APBB1IP: variants seen among roughly 807,000 people sequenced by gnomAD.
APBB1IP encodes the protein amyloid beta A4 precursor protein-binding family B member 1-interacting protein.
A neutral mutation model predicts 64.9 loss-of-function variants in APBB1IP; 27 were observed. The observed-to-expected ratio is 0.42, with a 90% CI of 0.31 to 0.57. APBB1IP has a LOEUF of 0.57. Among genes scored for constraint, APBB1IP ranks in the 20% least tolerant of loss-of-function variants. APBB1IP has a pLI of 0.20. For synonymous variants in APBB1IP, 392 were observed against 331.0 expected, an observed-to-expected ratio of 1.18 and a Z score of -2.00; for missense variants, 812 against 845.5, an observed-to-expected ratio of 0.96 and a Z score of 0.49.
At chr10:26,452,382 C>T (rs2132399486) in intron 2 of APBB1IP, among the ~76,000 whole-genome samples, 1 of 152,300 alleles carries the variant, frequency 6.6e-6, no homozygotes, top group East Asian at 1.9e-4. Context: ...TGCCTGAACT[C>T]ACTGTGTGAT....
chr10:26,493,743 C>T (rs1278336658), intron 3 of APBB1IP, among the ~76,000 whole-genome samples: 2 of 152,136 alleles, frequency 1.3e-5, no homozygotes, highest in Admixed American at 6.5e-5. Context: ...GAGAAATTTA[C>T]CCCCAAGTTT....
At chr10:26,492,271 A>G (rs375673310) in intron 2 of APBB1IP, 56 bp from the exon 3 acceptor site, 1 of 1,472,204 alleles carries the variant, frequency 6.8e-7, no homozygotes, top group African/African-American at 1.4e-5. Flanking sequence ...TGCAAAGAGT[A>G]TCCTAGGATC....
chr10:26,469,858 A>G (rs761358117), intron 2 of APBB1IP, among the ~76,000 whole-genome samples: 1 of 152,228 alleles, frequency 6.6e-6, no homozygotes, highest in Non-Finnish European at 1.5e-5. Context: ...AAGTGAGAAC[A>G]TGCAGTATTT....
chr10:26,566,169 A>T (rs918735542), intron 14 of APBB1IP, among the ~76,000 whole-genome samples: 1 of 152,196 alleles, frequency 6.6e-6, no homozygotes, highest in Non-Finnish European at 1.5e-5. Flanking sequence ...CCGTAATTCC[A>T]GCTACTCAGG....
At chr10:26,455,588 C>T (rs1162126790) in intron 2 of APBB1IP, among the ~76,000 whole-genome samples, 4 of 151,784 alleles carry the variant, frequency 2.6e-5, no homozygotes, top group Non-Finnish European at 2.9e-5. Context: ...AGTAAAGTTA[C>T]GTGGTTACTG....
intron 2 of APBB1IP, among the ~76,000 whole-genome samples, chr10:26,448,011 T>G (rs148697875): frequency 6.6e-6 from 1 of 152,190 alleles, no homozygotes; most frequent in Non-Finnish European, 1.5e-5. Context: ...ATCAAATGAT[T>G]ATTTTTGGAT....
intron 2 of APBB1IP, among the ~76,000 whole-genome samples, chr10:26,453,342 A>C (rs1266054342): frequency 6.6e-6 from 1 of 152,092 alleles, no homozygotes; most frequent in African/African-American, 2.4e-5. Context: ...TGGAGATGAA[A>C]TTGGAGTGGT....
chr10:26,529,655 T>C (rs1836523424), intron 8 of APBB1IP, among the ~76,000 whole-genome samples: 1 of 152,092 alleles, frequency 6.6e-6, no homozygotes, highest in Admixed American at 6.6e-5. Flanking sequence ...TTTTCCTTTT[T>C]CCTGAGATGG....
chr10:26,503,182 C>G lies in APBB1IP; in HGVS notation c.454-15C>G. On this transcript the variant is annotated splice_polypyrimidine_tract_variant and intron_variant, in intron 5 of 14. Transcript: ENST00000376236. ...CTTAATGGACTGTATTGAAGAATAT[C>G]TTGCCCTTTTCCAGGAAGAGGAAGA... 2 of 1,613,664 alleles carry G rather than the reference C, an allele frequency of 1.2e-6. No individual in the cohort carries two copies. The highest frequency in any genetic ancestry group is 1.7e-6 in the Non-Finnish European group (2 of 1,179,688).
intron 11 of APBB1IP, 147 bp downstream of exon 11, chr10:26,541,839 C>A (rs2132469605): frequency 3.6e-6 from 2 of 548,416 alleles, no homozygotes; most frequent in East Asian, 3.4e-5. Context: ...ACATTTCTAT[C>A]AATTTGGGAC....
intron 11 of APBB1IP, among the ~76,000 whole-genome samples, chr10:26,545,253 A>G (rs1333014974): frequency 6.6e-6 from 1 of 152,226 alleles, no homozygotes; most frequent in African/African-American, 2.4e-5. Context: ...GCTATTCTTT[A>G]TTAGGGTGAG....
chr10:26,441,828 C>T (rs931615156), intron 2 of APBB1IP, among the ~76,000 whole-genome samples: 1 of 152,186 alleles, frequency 6.6e-6, no homozygotes, highest in Admixed American at 6.5e-5. Flanking sequence ...TCTCTGTCAA[C>T]TCAGTTTTCT....
chr10:26,567,438 A>C lies in APBB1IP; in HGVS notation c.1951A>C (p.Met651Leu). 1 of 1,607,014 alleles carries C rather than the reference A, an allele frequency of 6.2e-7. No individual in the cohort carries two copies. Among genetic ancestry groups the C allele is most frequent in the Non-Finnish European group, 8.5e-7 (1 of 1,175,288 alleles). Residue 651 changes from methionine (M) to leucine (L), a missense_variant, in exon 15 of 15, where the codon ATG becomes CTG. Met to Leu is a conservative substitution (Grantham distance 15). Around this residue, in one of 3 missense-constraint regions of APBB1IP, gnomAD observed 381 missense variants for 352.1 expected, o/e 1.08. Transcript: ENST00000376236. Reference protein sequence around the residue: ...GGAGGGEQDFMSDLMKALQKK... With the variant: ...GGAGGGEQDFLSDLMKALQKK... ...AGCAGGAGGCGGGGAGCAAGATTTC[A>C]TGTCAGACCTCATGAAAGCTTTGCA...
At chr10:26,546,359 T>A (rs891333651) in intron 11 of APBB1IP, among the ~76,000 whole-genome samples, 2 of 152,048 alleles carry the variant, frequency 1.3e-5, no homozygotes, top group African/African-American at 4.8e-5. Context: ...GCCCCCAGGG[T>A]TTTTGATTTA....
At chr10:26,506,716 C>A (rs975647526) in intron 6 of APBB1IP, among the ~76,000 whole-genome samples, 1 of 152,158 alleles carries the variant, frequency 6.6e-6, no homozygotes, top group Non-Finnish European at 1.5e-5. Context: ...ATCTTTGTCT[C>A]TTTTCCCCAC....
intron 9 of APBB1IP, 137 bp from the exon 10 acceptor site, chr10:26,535,937 A>C: frequency 1.2e-6 from 1 of 824,286 alleles, no homozygotes; most frequent in South Asian, 2.1e-5. Flanking sequence ...CATATAATAT[A>C]AACATATGCA....
chr10:26,487,075 A>G (rs1346242886), intron 2 of APBB1IP, among the ~76,000 whole-genome samples: 2 of 151,582 alleles, frequency 1.3e-5, no homozygotes, highest in Non-Finnish European at 1.5e-5. Flanking sequence ...AAAAGATTCT[A>G]ACTCCACCCA....
intron 2 of APBB1IP, among the ~76,000 whole-genome samples, chr10:26,447,307 G>C (rs1278445543): frequency 6.7e-6 from 1 of 148,176 alleles, no homozygotes; most frequent in African/African-American, 2.5e-5. Flanking sequence ...CCCAGGAAGC[G>C]GAGTTTGCAG....
At chr10:26,515,637 G>C (rs968154036) in intron 8 of APBB1IP, among the ~76,000 whole-genome samples, 3 of 152,182 alleles carry the variant, frequency 2.0e-5, no homozygotes, top group Non-Finnish European at 4.4e-5. Flanking sequence ...TAATGCCCAA[G>C]AGTCATGCAA....
Sources: gnomAD v4.1 joint callset for allele counts (sites outside exome capture counted in the v4.1 genomes callset) on GRCh38, gnomAD v4.1.1 for gene constraint, gnomAD v4.1.1 regional missense constraint, MANE v1.5 for transcripts, NCBI Gene and HGNC (gene_info 2026-07-23, HGNC 2026-07-21) for gene names.